HDAC9: variants seen among roughly 807,000 people sequenced by gnomAD.
HDAC9 encodes the protein MEF-2 interacting transcription repressor (MITR) protein.
In HDAC9, 41 loss-of-function variants were observed where a neutral mutation model predicts 139.4. The observed-to-expected ratio is 0.29, with a 90% CI of 0.23 to 0.38. The LOEUF (loss-of-function observed/expected upper bound fraction) is 0.38, where lower values mean the gene tolerates loss of function less well. HDAC9 is among the 10% of genes least tolerant of loss of function. The probability of loss-of-function intolerance (pLI) is 1.00; values close to 1 mark genes in which losing one functional copy is unlikely to be tolerated. For synonymous variants in HDAC9, 517 were observed against 476.2 expected (o/e 1.09, Z -1.12); for missense variants, 1,147 against 1,297.0 (o/e 0.88, Z 1.78).
At chr7:18,385,861 A>C (rs765531488) in intron 1 of HDAC9, among the ~76,000 whole-genome samples, 1 of 152,122 alleles carries the variant, frequency 6.6e-6, no homozygotes, top group Non-Finnish European at 1.5e-5. Flanking sequence ...AGTATGTTAT[A>C]GAGTGGACGA....
chr7:18,392,347 ACACACT>A (rs1271054776), intron 1 of HDAC9, among the ~76,000 whole-genome samples: 38 of 148,886 alleles, frequency 2.6e-4, no homozygotes, highest in African/African-American at 9.8e-4. Flanking sequence ...ACACACACAC[ACACACT>A]GTCTATATCT....
At chr7:18,942,327 T>C (rs1782082331) in intron 23 of HDAC9, among the ~76,000 whole-genome samples, 1 of 152,086 alleles carries the variant, frequency 6.6e-6, no homozygotes, top group African/African-American at 2.4e-5. Context: ...GATAAAGACA[T>C]TAAGACTTCT....
intron 7 of HDAC9, among the ~76,000 whole-genome samples, chr7:18,629,809 C>G (rs796452301): frequency 6.6e-6 from 1 of 152,046 alleles, no homozygotes; most frequent in East Asian, 1.9e-4. Context: ...GAAATTTGAT[C>G]AGAAATGAGC....
At chr7:18,392,312 C>G (rs1345989922) in intron 1 of HDAC9, among the ~76,000 whole-genome samples, 2 of 128,312 alleles carry the variant, frequency 1.6e-5, no homozygotes, top group Non-Finnish European at 3.3e-5. Flanking sequence ...CTCTCTCTCT[C>G]TCTCACACAC....
At chr7:18,325,378 A>T (rs1406891515) in intron 1 of HDAC9, 1 of 152,130 alleles carries the variant, frequency 6.6e-6, no homozygotes, top group Non-Finnish European at 1.5e-5. Context: ...TTTTAATAGG[A>T]CTGATTTCAT....
At chr7:18,878,745 T>C (rs1303475896) in intron 22 of HDAC9, among the ~76,000 whole-genome samples, 2 of 151,530 alleles carry the variant, frequency 1.3e-5, no homozygotes, top group East Asian at 3.9e-4. Context: ...CCTTGAAAAC[T>C]GGCATAAGAC....
intron 24 of HDAC9, among the ~76,000 whole-genome samples, chr7:18,963,621 T>G (rs1300426587): frequency 6.6e-6 from 1 of 152,168 alleles, no homozygotes; most frequent in African/African-American, 2.4e-5. Context: ...TATTTTCACT[T>G]CTTCATGGAA....
intron 25 of HDAC9, among the ~76,000 whole-genome samples, chr7:18,987,088 G>T (rs970853822): frequency 1.3e-5 from 2 of 152,216 alleles, no homozygotes; most frequent in African/African-American, 4.8e-5. Context: ...GCCCTGGCCA[G>T]AACTTCCAAC....
intron 2 of HDAC9, among the ~76,000 whole-genome samples, chr7:18,267,660 A>G (rs769318966): frequency 1.3e-5 from 2 of 152,164 alleles, no homozygotes; most frequent in Non-Finnish European, 2.9e-5. Context: ...TATTCCGTGT[A>G]TATGTATACA....
chr7:18,109,651 G>C (rs1332426348), intron 1 of HDAC9, among the ~76,000 whole-genome samples: 1 of 150,104 alleles, frequency 6.7e-6, no homozygotes, highest in Non-Finnish European at 1.5e-5. Flanking sequence ...TTCTTTAATT[G>C]CTGGTTTCTT....
intron 22 of HDAC9, among the ~76,000 whole-genome samples, chr7:18,893,631 A>G (rs925090119): frequency 1.3e-5 from 2 of 152,308 alleles, no homozygotes; most frequent in South Asian, 2.1e-4. Flanking sequence ...GATATAGAAC[A>G]TTTGCATCGT....
chr7:18,525,293 A>T (rs1396280109), intron 2 of HDAC9, among the ~76,000 whole-genome samples: 1 of 152,178 alleles, frequency 6.6e-6, no homozygotes, highest in Non-Finnish European at 1.5e-5. Flanking sequence ...ACTTAAAAAA[A>T]TAGTAACTGA....
At chr7:18,237,652 A>G (rs1793912140) in intron 2 of HDAC9, among the ~76,000 whole-genome samples, 1 of 152,212 alleles carries the variant, frequency 6.6e-6, no homozygotes, top group African/African-American at 2.4e-5. Flanking sequence ...GAACGGATGA[A>G]GTACTGAGCT....
chr7:18,945,271 C>T lies in HDAC9; in HGVS notation c.2938-8875C>T, dbSNP rs150197234. On this transcript the variant is annotated intron_variant, in intron 23 of 25. Transcript: ENST00000686413. ...TCACCATGGTTTTGATTTGCCCAGACGCTAATGCGGTAAAGCAGTTCTTCA... is the reference window on the plus strand; with the variant it reads ...TCACCATGGTTTTGATTTGCCCAGATGCTAATGCGGTAAAGCAGTTCTTCA... 3.2e-4 allele frequency among the ~76,000 whole-genome samples: 49 copies of T among 152,322 alleles called. No individual in the cohort carries two copies. The East Asian group carries it at 4.6e-3, about 14-fold the overall frequency.
intron 1 of HDAC9, among the ~76,000 whole-genome samples, chr7:18,126,641 C>T (rs975719561): frequency 2.0e-5 from 3 of 152,092 alleles, no homozygotes; most frequent in Non-Finnish European, 2.9e-5. Flanking sequence ...GTTTTATTAG[C>T]TTCAATTCTG....
At chr7:18,229,595 C>G (rs991243086) in intron 2 of HDAC9, among the ~76,000 whole-genome samples, 1 of 152,164 alleles carries the variant, frequency 6.6e-6, no homozygotes, top group Non-Finnish European at 1.5e-5. Context: ...GCAAAGATGT[C>G]TTTCAACTAT....
chr7:18,412,839 T>C (rs1788699772), intron 1 of HDAC9, among the ~76,000 whole-genome samples: 1 of 152,146 alleles, frequency 6.6e-6, no homozygotes, highest in South Asian at 2.1e-4. Context: ...AATGAAAACT[T>C]GAAAAAATTA....
intron 25 of HDAC9, among the ~76,000 whole-genome samples, chr7:18,989,011 C>T (rs12672380): frequency 0.16 from 9,584 of 59,930 alleles, 1,095 homozygotes; most frequent in African/African-American, 0.21. Context: ...TCTTGACTCT[C>T]TATCCAATTT....
intron 13 of HDAC9, among the ~76,000 whole-genome samples, chr7:18,746,922 C>T (rs1448437455): frequency 6.6e-6 from 1 of 151,930 alleles, no homozygotes; most frequent in Admixed American, 6.6e-5. Flanking sequence ...AGTAGGAGAC[C>T]TAATTTAGAG....
Sources: allele counts gnomAD v4.1 joint callset (sites outside exome capture counted in the v4.1 genomes callset), GRCh38; gene constraint gnomAD v4.1.1; transcripts MANE v1.5; gene names NCBI Gene and HGNC (gene_info 2026-07-23, HGNC 2026-07-21).